Variants in CDH4 observed in about 807,000 individuals in gnomAD.
The protein encoded by CDH4 is cadherin 4.
CDH4 carries 33 observed loss-of-function variants against 86.0 expected under a neutral mutation model. The ratio of observed to expected loss-of-function variants is 0.38; its 90% CI spans 0.29 to 0.51. The LOEUF (loss-of-function observed/expected upper bound fraction) is 0.51, where lower values mean the gene tolerates loss of function less well. Ranked by LOEUF, CDH4 falls within the 20% of genes least tolerant of loss-of-function variation. CDH4 has a pLI of 0.86. For synonymous variants in CDH4, 555 were observed against 549.4 expected, an observed-to-expected ratio of 1.01 and a Z score of -0.14; for missense variants, 1,114 against 1,307.4, an observed-to-expected ratio of 0.85 and a Z score of 2.28.
chr20:61,493,664 T>C (rs2085640325), intron 2 of CDH4, among the ~76,000 whole-genome samples: 1 of 152,218 alleles, frequency 6.6e-6, no homozygotes, highest in Admixed American at 6.5e-5. Context: ...CCACTCCATC[T>C]TGGGGCTAGT....
At chr20:61,682,215 T>C (rs571698106) in intron 2 of CDH4, among the ~76,000 whole-genome samples, 1 of 150,138 alleles carries the variant, frequency 6.7e-6, no homozygotes, top group South Asian at 2.1e-4. Flanking sequence ...GACAGATGGA[T>C]AGAGAAATGG....
At position 61,810,767 on chromosome 20, in the gene CDH4, C is replaced by T. The variant is rs1003196569; in HGVS notation, c.577-33901C>T. Among the ~76,000 whole-genome samples the T allele has an allele frequency of 6.6e-6, 1 of 152,170 alleles. No individual in the cohort carries two copies. Among genetic ancestry groups the T allele is most frequent in the African/African-American group, 2.4e-5 (1 of 41,446 alleles). On this transcript the variant is annotated intron_variant, in intron 4 of 15. Transcript: ENST00000614565. This position sits in a 1 kb window ranked among gnomAD's most constrained non-coding sequence, Gnocchi z 4.3. The stretch of plus-strand genomic sequence containing the variant: ...TGCCAGGGCAGAACCAAGCAGGGCC[C>T]GCAGTCTGCAAGAACTCCTGGGACC...
chr20:61,556,253 TTTGTCCTC>T (rs71185922), intron 2 of CDH4, among the ~76,000 whole-genome samples: 20,178 of 152,144 alleles, frequency 0.13, 1,459 homozygotes, highest in African/African-American at 0.2. Context: ...AAATGCAGGC[TTTGTCCTC>T]TTGTGAATTC....
intron 2 of CDH4, among the ~76,000 whole-genome samples, chr20:61,334,896 T>G (rs2084608926): frequency 1.3e-5 from 2 of 152,232 alleles, no homozygotes; most frequent in African/African-American, 2.4e-5. Context: ...CTTCATTTGC[T>G]TATGAGTTTT....
rs146000330 is a variant in CDH4 at position 61,381,234 on chromosome 20, T to A, written c.169+126297T>A. 1.4e-4 allele frequency among the ~76,000 whole-genome samples: 22 copies of A among 152,258 alleles called. No individual in the cohort carries two copies. In the East Asian group the frequency reaches 4.3e-3, roughly 29 times the overall value. ...CCTGCCTTGAAAGGTCACCAGGACG[T>A]TTGTGATTGACTCTTGATAGGAGTT... On this transcript the variant is annotated intron_variant, in intron 2 of 15. Coordinates refer to ENST00000614565, the MANE Select transcript of CDH4 (RefSeq NM_001794.5).
rs937631016 is a variant in CDH4, at chr20:61,923,337, A to C, written c.1375-114A>C. The C allele has an allele frequency of 4.9e-6, 5 of 1,025,812 alleles. No individual in the cohort carries two copies. In the African/African-American group the frequency reaches 6.2e-5, roughly 13 times the overall value. 63.5% of individuals were successfully genotyped at this position (1,025,812 alleles called of 1,614,324 possible). A position where few individuals can be genotyped will look rare whatever the true frequency, so the allele number is the denominator to read the frequency against. On this transcript the variant is annotated intron_variant, in intron 9 of 15. Transcript: ENST00000614565. ...CTCCTGGCTAAAGAGCAGAGCAGAGAAGAGCTGGACATGGCTCAGGGAGGG... is the reference window on the plus strand; with the variant it reads ...CTCCTGGCTAAAGAGCAGAGCAGAGCAGAGCTGGACATGGCTCAGGGAGGG...
intron 2 of CDH4, among the ~76,000 whole-genome samples, chr20:61,670,411 G>A (rs992901308): frequency 2.0e-5 from 3 of 152,202 alleles, no homozygotes; most frequent in Non-Finnish European, 2.9e-5. Context: ...CTCTGACCTG[G>A]TCATGGGGTC....
intron 2 of CDH4, among the ~76,000 whole-genome samples, chr20:61,551,508 C>T (rs190177320): frequency 1.4e-3 from 210 of 152,348 alleles, no homozygotes; most frequent in African/African-American, 4.4e-3. Context: ...CTTCCCATCC[C>T]AGGGGCAGCC....
chr20:61,878,707 G>T (rs947451586), intron 7 of CDH4, among the ~76,000 whole-genome samples: 5 of 152,238 alleles, frequency 3.3e-5, no homozygotes, highest in African/African-American at 1.2e-4. Context: ...CTGAATTTGT[G>T]ACCCCTTGGC....
intron 3 of CDH4, among the ~76,000 whole-genome samples, chr20:61,749,004 G>T (rs2088453872): frequency 1.2e-5 from 1 of 81,672 alleles, no homozygotes. Context: ...TACCTAAAAG[G>T]TATAAGGCTA....
intron 6 of CDH4, among the ~76,000 whole-genome samples, chr20:61,866,983 G>A (rs1310872955): frequency 6.6e-6 from 1 of 152,234 alleles, no homozygotes; most frequent in East Asian, 1.9e-4. Context: ...CCTTTCCCGG[G>A]AAGGAGATGA....
At chr20:61,936,674 C>G (rs572023524) in intron 15 of CDH4, 63 bp from the exon 16 acceptor site, 110 of 1,363,216 alleles carry the variant, frequency 8.1e-5, no homozygotes, top group Admixed American at 4.9e-4. Context: ...GCTTTCCGTT[C>G]CATCTGATCC....
At chr20:61,311,485 A>G (rs547084216) in intron 2 of CDH4, among the ~76,000 whole-genome samples, 41 of 152,368 alleles carry the variant, frequency 2.7e-4, no homozygotes, top group African/African-American at 9.9e-4. Context: ...TGCCCAAAGT[A>G]CAAAACAGCA....
rs115659698 is a variant in CDH4 at position 61,723,423 on chromosome 20, C to T, written c.170-20140C>T. 9.3e-3 allele frequency among the ~76,000 whole-genome samples: 1,417 copies of T among 152,304 alleles called. 13 individuals are homozygous for T. The highest frequency in any genetic ancestry group is 0.032 in the African/African-American group (1,351 of 41,584). ...TTAAATGAGTGGGTTCTGGCTCTGTCGTTTTCCTCCCCAGGGCCTGCAGCC... is the reference window on the plus strand; with the variant it reads ...TTAAATGAGTGGGTTCTGGCTCTGTTGTTTTCCTCCCCAGGGCCTGCAGCC... On this transcript the variant is annotated intron_variant, in intron 2 of 15. Transcript: ENST00000614565.
chr20:61,769,525 CACAA>C (rs889054225), intron 3 of CDH4, among the ~76,000 whole-genome samples: 5 of 152,242 alleles, frequency 3.3e-5, no homozygotes, highest in African/African-American at 2.4e-5. Flanking sequence ...GATTCGACTT[CACAA>C]ACAGAGACCA....
intron 2 of CDH4, among the ~76,000 whole-genome samples, chr20:61,351,289 A>G (rs1209171371): frequency 6.6e-6 from 1 of 152,202 alleles, no homozygotes; most frequent in East Asian, 1.9e-4. Context: ...ACAACTGTGT[A>G]CATAGCATTT....
At chr20:61,784,684 C>T (rs1978770960) in intron 4 of CDH4, among the ~76,000 whole-genome samples, 1 of 101,032 alleles carries the variant, frequency 9.9e-6, no homozygotes, top group African/African-American at 5.0e-5. Context: ...CCTGTGCCCC[C>T]AAGAGAAATG....
At chr20:61,338,994 A>G (rs2084634658) in intron 2 of CDH4, among the ~76,000 whole-genome samples, 2 of 152,204 alleles carry the variant, frequency 1.3e-5, no homozygotes. Flanking sequence ...TAGGAGAATA[A>G]ATATGTAAAT....
intron 2 of CDH4, among the ~76,000 whole-genome samples, chr20:61,275,941 A>G (rs1035022972): frequency 3.3e-5 from 5 of 152,140 alleles, no homozygotes; most frequent in African/African-American, 1.2e-4. Context: ...GATGTAAGGA[A>G]AAGGATTAGT....
Sources: gnomAD v4.1 joint callset for allele counts (sites outside exome capture counted in the v4.1 genomes callset) on GRCh38, gnomAD v4.1.1 for gene constraint, Gnocchi (gnomAD v3.1) non-coding constraint, MANE v1.5 for transcripts, NCBI Gene and HGNC (gene_info 2026-07-23, HGNC 2026-07-21) for gene names.